Variants in TIMD4 observed in about 807,000 individuals in gnomAD.
The protein encoded by TIMD4 is T-cell immunoglobulin and mucin domain-containing protein 4.
A neutral mutation model predicts 41.2 loss-of-function variants in TIMD4; 31 were observed. That is an observed-to-expected ratio of 0.75 (90% CI 0.57 to 1.01). TIMD4 has a LOEUF of 1.01. Among genes scored for constraint, TIMD4 ranks in the 50% least tolerant of loss-of-function variants. The pLI, the probability that TIMD4 is intolerant of heterozygous loss-of-function variation, is 0.00. For missense variants in TIMD4, 479 were observed against 472.5 expected, an observed-to-expected ratio of 1.01 and a Z score of -0.13; for synonymous variants, 204 against 177.1, an observed-to-expected ratio of 1.15 and a Z score of -1.21.
At chr5:156,934,284 C>T (rs534843174) in intron 5 of TIMD4, among the ~76,000 whole-genome samples, 5 of 151,982 alleles carry the variant, frequency 3.3e-5, no homozygotes, top group Non-Finnish European at 7.4e-5. Context: ...CTTGTTCTGT[C>T]GCCTAGGCTT....
At chr5:156,958,296 A>G (rs1581636436) in intron 1 of TIMD4, among the ~76,000 whole-genome samples, 1 of 147,378 alleles carries the variant, frequency 6.8e-6, no homozygotes, top group Middle Eastern at 3.2e-3. Context: ...AAAGAGAGAA[A>G]GAAAGAAAGA....
rs372341790 is a variant in TIMD4 at position 156,926,255 on chromosome 5, T to A, written c.894+8A>T. 1.2e-6 allele frequency: 2 copies of A among 1,612,744 alleles called. No homozygotes were observed. The highest frequency in any genetic ancestry group is 1.7e-6 in the Non-Finnish European group (2 of 1,179,192). The stretch of plus-strand genomic sequence containing the variant: ...TGATATACTGCAAATACTTCACAGA[T>A]TTTTTACCTGTCCTGTTTTTGTTGT... On this transcript the variant is annotated splice_region_variant and intron_variant, in intron 6 of 8. Coordinates refer to ENST00000274532, the MANE Select transcript of TIMD4 (RefSeq NM_138379.3).
chr5:156,925,123 A>C (rs1158998622), intron 6 of TIMD4, among the ~76,000 whole-genome samples: 1 of 152,236 alleles, frequency 6.6e-6, no homozygotes, highest in East Asian at 1.9e-4. Context: ...AGCCTGGCCA[A>C]CATAATGAAA....
intron 5 of TIMD4, among the ~76,000 whole-genome samples, chr5:156,933,796 G>A (rs527721068): frequency 6.6e-6 from 1 of 152,174 alleles, no homozygotes; most frequent in South Asian, 2.1e-4. Flanking sequence ...TTGAGGAGCT[G>A]TGATCCACCC....
chr5:156,933,457 A>C (rs1444426224), intron 5 of TIMD4, among the ~76,000 whole-genome samples: 54 of 123,160 alleles, frequency 4.4e-4, no homozygotes, highest in South Asian at 9.5e-4. Flanking sequence ...TCGCCCCCCA[A>C]CCCCCCCCCA....
intron 6 of TIMD4, 40 bp downstream of exon 6, chr5:156,926,223 A>G (rs1320045548): frequency 6.2e-7 from 1 of 1,607,932 alleles, no homozygotes; most frequent in Admixed American, 1.7e-5. Context: ...GATTTTTACT[A>G]TTTAAGTGAT....
At chr5:156,956,801 C>T (rs1759980117) in intron 1 of TIMD4, among the ~76,000 whole-genome samples, 1 of 152,196 alleles carries the variant, frequency 6.6e-6, no homozygotes, top group African/African-American at 2.4e-5. Flanking sequence ...GTACCCAGGT[C>T]CATGCTTGTT....
chr5:156,933,198 A>AC (rs1184429579), intron 5 of TIMD4, among the ~76,000 whole-genome samples: 1 of 152,158 alleles, frequency 6.6e-6, no homozygotes, highest in African/African-American at 2.4e-5. Context: ...TTTGTGAAAA[A>AC]CAATAATCTA....
chr5:156,954,704 A>T lies in TIMD4; in HGVS notation c.111T>A (p.Thr37=). ...ACCAGGATGAGTACAGACAGGGCAA[A>T]GTCACCCGGTGACCCAAAACCTCCG... is the stretch of plus-strand genomic sequence containing the variant. ...VVTEVLGHRV[T]LPCLYSSWSH... Residue 37 remains threonine (T), a synonymous_variant, in exon 2 of 9, where the codon ACT becomes ACA. Transcript: ENST00000274532. 6.2e-7 allele frequency: 1 copy of T among 1,614,022 alleles called. No homozygotes were observed.
chr5:156,924,354 G>A, intron 6 of TIMD4: 1 of 361,260 alleles, frequency 2.8e-6, no homozygotes, highest in East Asian at 7.8e-5. Context: ...TTGGTGTCAG[G>A]AAAGGTACTC....
intron 5 of TIMD4, among the ~76,000 whole-genome samples, chr5:156,937,227 G>C (rs1485433147): frequency 6.6e-6 from 1 of 152,106 alleles, no homozygotes; most frequent in Non-Finnish European, 1.5e-5. Context: ...GCTAGTGAAT[G>C]GTAGGGCAAT....
intron 5 of TIMD4, among the ~76,000 whole-genome samples, chr5:156,941,359 A>T (rs1404432577): frequency 6.6e-6 from 1 of 152,238 alleles, no homozygotes; most frequent in Non-Finnish European, 1.5e-5. Flanking sequence ...ATGACTCTGA[A>T]ATAAAATATA....
chr5:156,959,563 C>G (rs7718798), intron 1 of TIMD4, among the ~76,000 whole-genome samples: 5,106 of 152,198 alleles, frequency 0.034, 221 homozygotes, highest in African/African-American at 0.096. Context: ...GTGGATACAA[C>G]CTAGGTCCTT....
At chr5:156,962,998 A>G in intron 1 of TIMD4, 143 bp downstream of exon 1, 1 of 785,394 alleles carries the variant, frequency 1.3e-6, no homozygotes, top group African/African-American at 1.7e-5. Flanking sequence ...CCCTCCACAG[A>G]AGGAAGCCTG....
At chr5:156,929,776 C>T (rs1157578531) in intron 5 of TIMD4, among the ~76,000 whole-genome samples, 1 of 151,762 alleles carries the variant, frequency 6.6e-6, no homozygotes, top group Non-Finnish European at 1.5e-5. Context: ...TACAGCAGCC[C>T]CAGGAAATAA....
In TIMD4 at chr5:156,938,363, C is replaced by T. The variant is rs375455616; in HGVS notation, c.844+10053G>A. Among the ~76,000 whole-genome samples, 231 of 152,158 alleles carry T rather than the reference C, an allele frequency of 1.5e-3. 1 individual carries two copies. The highest frequency in any genetic ancestry group is 5.4e-3 in the African/African-American group (224 of 41,492). ...TTTGTTAAACATATGATTTCTTGAC[C>T]CCACTGCCAGAGGTTCTCATCTGCA... On this transcript the variant is annotated intron_variant, in intron 5 of 8. Transcript: ENST00000274532.
intron 5 of TIMD4, among the ~76,000 whole-genome samples, chr5:156,941,180 A>AAGGCC (rs1377464995): frequency 2.0e-5 from 3 of 152,042 alleles, no homozygotes; most frequent in Non-Finnish European, 2.9e-5. Context: ...AACACTGCGG[A>AAGGCC]AGGCCGCAGG....
At position 156,927,616 on chromosome 5, in the gene TIMD4, TG is replaced by T. The variant is rs1227782577; in HGVS notation, c.845-1305del. Among the ~76,000 whole-genome samples, 42 of 152,336 alleles carry T rather than the reference TG, an allele frequency of 2.8e-4. No individual in the cohort carries two copies. In the South Asian group the frequency reaches 8.1e-3, roughly 29 times the overall value. ...GAGAGTTGTCATCTAATTCCAGGTC[TG>T]AAATTCAGAGCTAGTAAAACCAAAG... On this transcript the variant is annotated intron_variant, in intron 5 of 8. Coordinates refer to ENST00000274532, the MANE Select transcript of TIMD4 (RefSeq NM_138379.3).
At chr5:156,962,097 G>T (rs1306600118) in intron 1 of TIMD4, among the ~76,000 whole-genome samples, 1 of 152,010 alleles carries the variant, frequency 6.6e-6, no homozygotes, top group Non-Finnish European at 1.5e-5. Context: ...GGGGTATGAA[G>T]AAAGGCAGGT....
Sources: allele counts gnomAD v4.1 joint callset (sites outside exome capture counted in the v4.1 genomes callset), GRCh38; gene constraint gnomAD v4.1.1; transcripts MANE v1.5; gene names NCBI Gene and HGNC (gene_info 2026-07-23, HGNC 2026-07-21).